The following STRIT1 variants were observed in gnomAD, a reference collection of about 807,000 sequenced individuals.
The protein encoded by STRIT1 is sarcoplasmic/endoplasmic reticulum calcium ATPase regulator DWORF.
Position 155,291,051 on chromosome 3 carries a change from C to T in STRIT1, c.14-13G>A. 1 of 398,418 alleles carries T rather than the reference C, an allele frequency of 2.5e-6. No homozygotes were observed. Among genetic ancestry groups the T allele is most frequent in the Non-Finnish European group, 4.4e-6 (1 of 225,760 alleles). 24.7% of individuals were successfully genotyped at this position (398,418 alleles called of 1,614,324 possible). ...AATGTAGACCCCGCTTTAAAATAAACCGTAGAAAACAGATTATATTGGTCA... is the reference window on the plus strand; with the variant it reads ...AATGTAGACCCCGCTTTAAAATAAATCGTAGAAAACAGATTATATTGGTCA... On this transcript the variant is annotated splice_polypyrimidine_tract_variant and intron_variant, in intron 1 of 2. Coordinates refer to ENST00000489090, the MANE Select transcript of STRIT1 (RefSeq NM_001352129.2).
intron 1 of STRIT1, among the ~76,000 whole-genome samples, chr3:155,291,722 G>C (rs571094354): frequency 1.3e-5 from 2 of 152,082 alleles, no homozygotes; most frequent in African/African-American, 2.4e-5. Flanking sequence ...CATAAATGGC[G>C]TTTGTTATAT....
rs1265659283 is a variant in STRIT1, at chr3:155,290,330, A to C, written c.*521T>G. 1 of 150,824 alleles carries C rather than the reference A, an allele frequency of 6.6e-6. No individual in the cohort carries two copies. The highest frequency in any genetic ancestry group is 6.6e-5 in the Admixed American group (1 of 15,096). 9.3% of individuals were successfully genotyped at this position (150,824 alleles called of 1,614,324 possible). On this transcript the variant is annotated 3_prime_UTR_variant, in exon 3 of 3. Coordinates refer to ENST00000489090, the MANE Select transcript of STRIT1 (RefSeq NM_001352129.2). ...TCTTTTTGTGAACAAGAGATTAAGT[A>C]AGTGTACTTTTACATTATATGTTCT... is the stretch of plus-strand genomic sequence containing the variant.
At chr3:155,291,461 T>TA (rs1356593980) in intron 1 of STRIT1, among the ~76,000 whole-genome samples, 3 of 152,134 alleles carry the variant, frequency 2.0e-5, no homozygotes, top group African/African-American at 7.2e-5. Context: ...GCTATTTATA[T>TA]AAAAAACAAT....
intron 1 of STRIT1, among the ~76,000 whole-genome samples, chr3:155,292,902 G>A (rs1715669757): frequency 2.0e-5 from 3 of 152,082 alleles, no homozygotes; most frequent in African/African-American, 7.2e-5. Flanking sequence ...TTAAACACCT[G>A]GTGCCACCAC....
chr3:155,291,027 A>AT lies in STRIT1; in HGVS notation c.24dup (p.Phe9IlefsTer52). 1 of 398,684 alleles carries AT rather than the reference A, an allele frequency of 2.5e-6. No individual in the cohort carries two copies. The highest frequency in any genetic ancestry group is 3.6e-5 in the East Asian group (1 of 27,994). 24.7% of individuals were successfully genotyped at this position (398,684 alleles called of 1,614,324 possible). ...AGAATAGGAACCAGAAGGTGTGAAA[A>AT]TGTAGACCCCGCTTTAAAATAAACC... On this transcript the variant is annotated frameshift_variant, in exon 2 of 3. Transcript: ENST00000489090. LOFTEE classifies it high-confidence loss of function.
At chr3:155,291,574 T>C (rs1219193754) in intron 1 of STRIT1, among the ~76,000 whole-genome samples, 1 of 152,144 alleles carries the variant, frequency 6.6e-6, no homozygotes, top group Non-Finnish European at 1.5e-5. Flanking sequence ...TAATTTTAAA[T>C]ATCACAGGGA....
chr3:155,290,239 C>T lies in STRIT1; in HGVS notation c.*612G>A, dbSNP rs1576715153. 1 of 152,056 alleles carries T rather than the reference C, an allele frequency of 6.6e-6. No individual in the cohort carries two copies. Among genetic ancestry groups the T allele is most frequent in the African/African-American group, 2.4e-5 (1 of 41,402 alleles). The allele number at this position is 152,056 out of a possible 1,614,324, so 9.4% of individuals were successfully genotyped here. Reference sequence around the variant, plus strand: ...TCTTACCAACTCATATGTTGTCAAACATCTTTATTTTTTTCCCATCTGATA... The same window carrying T: ...TCTTACCAACTCATATGTTGTCAAATATCTTTATTTTTTTCCCATCTGATA... On this transcript the variant is annotated 3_prime_UTR_variant, in exon 3 of 3. Transcript: ENST00000489090.
chr3:155,292,332 C>T (rs1290060044), intron 1 of STRIT1, among the ~76,000 whole-genome samples: 1 of 152,080 alleles, frequency 6.6e-6, no homozygotes, highest in African/African-American at 2.4e-5. Flanking sequence ...AAGGATAAAG[C>T]AAACAACATG....
chr3:155,291,223 T>C (rs1452766551), intron 1 of STRIT1, 185 bp from the exon 2 acceptor site: 1 of 370,834 alleles, frequency 2.7e-6, no homozygotes, highest in Admixed American at 4.5e-5. Context: ...CCTGGGTATT[T>C]TGAATCAAAC....
chr3:155,293,391 C>T (rs563766354), intron 1 of STRIT1, among the ~76,000 whole-genome samples: 33 of 152,188 alleles, frequency 2.2e-4, no homozygotes, highest in African/African-American at 7.5e-4. Flanking sequence ...AAATTAAGCT[C>T]TTTTCCTTTG....
In STRIT1 at chr3:155,291,219, T is replaced by C. The variant is rs537705189; in HGVS notation, c.14-181A>G. The C allele has an allele frequency of 8.1e-4, 301 of 372,980 alleles. 1 individual carries two copies. Among genetic ancestry groups the C allele is most frequent in the Non-Finnish European group, 1.2e-3 (254 of 210,848 alleles). 23.1% of individuals were successfully genotyped at this position (372,980 alleles called of 1,614,324 possible). A position where few individuals can be genotyped will look rare whatever the true frequency, so the allele number is the denominator to read the frequency against. On this transcript the variant is annotated intron_variant, in intron 1 of 2. Transcript: ENST00000489090. ...ACGTGAGACTGTCATAAACCCTGGG[T>C]ATTTTGAATCAAACCATGGGTCTTT... is the stretch of plus-strand genomic sequence containing the variant.
rs1715690049 is a variant in STRIT1, at chr3:155,293,620, C to T, written c.13G>A (p.Ala5Thr). 2.5e-6 allele frequency: 1 copy of T among 397,024 alleles called. No homozygotes were observed. The highest frequency in any genetic ancestry group is 4.4e-5 in the Admixed American group (1 of 22,514). The allele number at this position is 397,024 out of a possible 1,614,324, so 24.6% of individuals were successfully genotyped here. Residue 5 changes from alanine (A) to threonine (T), a missense_variant and splice_region_variant, in exon 1 of 3, where the codon GCG becomes ACG. Ala to Thr is a moderately conservative substitution (Grantham distance 58, BLOSUM62 0). Coordinates refer to ENST00000489090, the MANE Select transcript of STRIT1 (RefSeq NM_001352129.2). ...GAGAATCCTATGCCTTAAATCTTAC[C>T]TTTTTCAGCCATTATTCCTGTTGGT... MAEK[A>T]GSTFSHLLVP...
intron 1 of STRIT1, among the ~76,000 whole-genome samples, chr3:155,291,722 G>A (rs571094354): frequency 5.9e-5 from 9 of 152,200 alleles, no homozygotes; most frequent in African/African-American, 1.9e-4. Flanking sequence ...CATAAATGGC[G>A]TTTGTTATAT....
chr3:155,293,574 C>G (rs1250978822), intron 1 of STRIT1, 46 bp downstream of exon 1: 13 of 395,470 alleles, frequency 3.3e-5, no homozygotes, highest in Non-Finnish European at 5.8e-5. Flanking sequence ...AGTCAAGAAG[C>G]CTTTTTTTTT....
rs1715611439 is a variant in STRIT1, at chr3:155,290,567, G to T, written c.*284C>A. 2 of 151,520 alleles carry T rather than the reference G, an allele frequency of 1.3e-5. No homozygotes were observed. Among genetic ancestry groups the T allele is most frequent in the Admixed American group, 6.6e-5 (1 of 15,142 alleles). The allele number at this position is 151,520 out of a possible 1,614,324, so 9.4% of individuals were successfully genotyped here. A position where few individuals can be genotyped will look rare whatever the true frequency, so the allele number is the denominator to read the frequency against. The stretch of plus-strand genomic sequence containing the variant: ...TATAGTTTTTTCCAGAGGGAAGGGG[G>T]GATAATTTTTTGTAATGTGATTAAA... On this transcript the variant is annotated 3_prime_UTR_variant, in exon 3 of 3. Coordinates refer to ENST00000489090, the MANE Select transcript of STRIT1 (RefSeq NM_001352129.2).
In STRIT1 at chr3:155,290,401, T is replaced by C. The variant is rs1367255512; in HGVS notation, c.*450A>G. On this transcript the variant is annotated 3_prime_UTR_variant, in exon 3 of 3. Transcript: ENST00000489090. ...TCTAGCCCATTTTCTTTCTTTTTTT[T>C]TTTTTTTTTTTTTTTTTTTGTAGAG... 1 of 124,828 alleles carries C rather than the reference T, an allele frequency of 8.0e-6. No homozygotes were observed. Among genetic ancestry groups the C allele is most frequent in the African/African-American group, 3.1e-5 (1 of 32,742 alleles). 7.7% of individuals were successfully genotyped at this position (124,828 alleles called of 1,614,324 possible). A position where few individuals can be genotyped will look rare whatever the true frequency, so the allele number is the denominator to read the frequency against.
In STRIT1 at chr3:155,290,851, A is replaced by G. The variant is rs550768463; in HGVS notation, c.*5-5T>C. ...GTCAATCTGATATCTTCTTGCCTGA[A>G]AGACAAAACATTCCATTAGTAAAAT... On this transcript the variant is annotated splice_polypyrimidine_tract_variant and splice_region_variant and intron_variant, in intron 2 of 2. Transcript: ENST00000489090. The G allele has an allele frequency of 5.6e-5, 22 of 395,726 alleles. No homozygotes were observed. The highest frequency in any genetic ancestry group is 9.8e-5 in the Non-Finnish European group (22 of 224,342). 24.5% of individuals were successfully genotyped at this position (395,726 alleles called of 1,614,324 possible).
At position 155,291,020 on chromosome 3, in the gene STRIT1, T is replaced by G. The variant is rs1715622056; in HGVS notation, c.32A>C (p.His11Pro). The G allele has an allele frequency of 2.5e-6, 1 of 398,520 alleles. No individual in the cohort carries two copies. Among genetic ancestry groups the G allele is most frequent in the Admixed American group, 4.4e-5 (1 of 22,688 alleles). 24.7% of individuals were successfully genotyped at this position (398,520 alleles called of 1,614,324 possible). A position where few individuals can be genotyped will look rare whatever the true frequency, so the allele number is the denominator to read the frequency against. ...CAGGAGAAGAATAGGAACCAGAAGG[T>G]GTGAAAATGTAGACCCCGCTTTAAA... MAEKAGSTFS[H>P]LLVPILLLIG... Residue 11 changes from histidine (H) to proline (P), a missense_variant, in exon 2 of 3, where the codon CAC becomes CCC. Transcript: ENST00000489090.
intron 1 of STRIT1, 113 bp downstream of exon 1, chr3:155,293,507 A>G (rs564440916): frequency 7.5e-6 from 3 of 397,416 alleles, no homozygotes; most frequent in Admixed American, 4.4e-5. Context: ...GTCATTTAGC[A>G]TAGATATCAC....
Sources: allele counts gnomAD v4.1 joint callset (sites outside exome capture counted in the v4.1 genomes callset), GRCh38; gene constraint gnomAD v4.1.1; transcripts MANE v1.5; gene names NCBI Gene and HGNC (gene_info 2026-07-23, HGNC 2026-07-21).